Variants in GUK1 observed in about 807,000 individuals in gnomAD.
GUK1 encodes the protein guanylate kinase.
Under a neutral mutation model 25.2 loss-of-function variants are expected in GUK1, and 18 were observed. The observed-to-expected ratio is 0.71, with a 90% CI of 0.49 to 1.06. The LOEUF is 1.06. Among genes scored for constraint, GUK1 ranks in the 50% least tolerant of loss-of-function variants. The pLI is 0.00. For missense variants in GUK1, 261 were observed against 276.7 expected (o/e 0.94, Z 0.40); for synonymous variants, 105 against 117.6 (o/e 0.89, Z 0.69).
At chr1:228,147,740 AG>A (rs759945514) in intron 7 of GUK1, 41 bp downstream of exon 6, 4 of 1,580,982 alleles carry the variant, frequency 2.5e-6, no homozygotes, top group Non-Finnish European at 2.6e-6. Context: ...CCAGGAGGGG[AG>A]TCAGGGTTCT....
intron 2 of GUK1, chr1:228,141,666 G>A (rs766524097): frequency 1.9e-5 from 24 of 1,240,690 alleles, no homozygotes; most frequent in East Asian, 6.2e-5. Context: ...AGATTATGCC[G>A]CCACAGCAGG....
At chr1:228,140,223 A>G (rs2033963468), upstream of GUK1, 2 of 1,183,578 alleles carry the variant, frequency 1.7e-6, no homozygotes, top group East Asian at 2.7e-5. Context: ...TCGCCTCATG[A>G]CGTCAGTCTC....
At chr1:228,141,472 C>T (rs1385875893) in intron 2 of GUK1, 3 of 339,664 alleles carry the variant, frequency 8.8e-6, no homozygotes, top group Non-Finnish European at 1.3e-5. Flanking sequence ...CCTTCATCCA[C>T]CTGGCCCAGC....
At chr1:228,145,712 C>A in intron 3 of GUK1, 88 bp downstream of exon 2, 2 of 1,466,472 alleles carry the variant, frequency 1.4e-6, no homozygotes, top group Admixed American at 2.1e-5. Flanking sequence ...AGCCCAAACC[C>A]AACAGGCACA....
rs368057644 is a variant in GUK1, at chr1:228,141,995, G to C, written c.-3+707G>C. Among the ~76,000 whole-genome samples, 5 of 152,410 alleles carry C rather than the reference G, an allele frequency of 3.3e-5. 1 individual carries two copies. ...GTTCTGGTCAGGGCAAAGGCTCCGT[G>C]GTTTCCACCGCAAGATTGCAGGAGC... is the stretch of plus-strand genomic sequence containing the variant. On this transcript the variant is annotated intron_variant, in intron 2 of 8. Coordinates refer to ENST00000312726, the MANE Select transcript of GUK1 (RefSeq NM_000858.7).
chr1:228,140,622 T>C (rs915890162), intron 1 of GUK1, among the ~76,000 whole-genome samples: 1 of 152,176 alleles, frequency 6.6e-6, no homozygotes, highest in Non-Finnish European at 1.5e-5. Flanking sequence ...GTCGAGCTGC[T>C]CCCCGGGCGT....
intron 2 of GUK1, chr1:228,145,281 C>A (rs529314238): frequency 1.3e-5 from 5 of 371,578 alleles, no homozygotes; most frequent in Non-Finnish European, 1.9e-5. Flanking sequence ...GCCTTCCATT[C>A]GTCTCCCGTG....
At chr1:228,140,655 C>T (rs1355736441) in intron 1 of GUK1, among the ~76,000 whole-genome samples, 1 of 152,232 alleles carries the variant, frequency 6.6e-6, no homozygotes, top group East Asian at 1.9e-4. Flanking sequence ...GGTGTCTTCC[C>T]GACACCTGGG....
chr1:228,141,482 C>T, intron 2 of GUK1: 1 of 375,116 alleles, frequency 2.7e-6, no homozygotes, highest in Non-Finnish European at 3.9e-6. Context: ...CCTGGCCCAG[C>T]CCAGAGCCCA....
At position 228,140,782 on chromosome 1, in the gene GUK1, C is replaced by T. The variant is rs1105447; in HGVS notation, c.-167-342C>T. On this transcript the variant is annotated intron_variant, in intron 1 of 8. Transcript: ENST00000312726. ...CCTGGGCGGATGGAGCCGGCTATTC[C>T]GGGGCTCCCAGGATTCTGCCTACTC... 5.9e-3 allele frequency among the ~76,000 whole-genome samples: 903 copies of T among 152,342 alleles called. 11 individuals carry two copies. Among genetic ancestry groups the T allele is most frequent in the Middle Eastern group, 0.02 (6 of 294 alleles).
chr1:228,141,327 GA>G, intron 2 of GUK1: 1 of 902,716 alleles, frequency 1.1e-6, no homozygotes, highest in African/African-American at 1.8e-5. Context: ...GAAAGAAAGT[GA>G]AAATGAAAGC....
At chr1:228,144,888 A>G in intron 2 of GUK1, 2 of 168,776 alleles carry the variant, frequency 1.2e-5, no homozygotes, top group Non-Finnish European at 2.4e-5. Context: ...CCCCTCTGGC[A>G]TTACCAGCAT....
At chr1:228,147,272 G>A (rs1299870955) in intron 5 of GUK1, 134 bp from the exon 5 acceptor site, 1 of 828,478 alleles carries the variant, frequency 1.2e-6, no homozygotes, top group South Asian at 1.7e-5. Flanking sequence ...ATGCTGTCGG[G>A]TGCTGGGTCC....
In GUK1 at chr1:228,147,538, C is replaced by T. The variant is rs148406810; in HGVS notation, c.384C>T (p.His128=). 3.4e-4 allele frequency: 549 copies of T among 1,613,332 alleles called. 1 individual carries two copies. In the African/African-American group the frequency reaches 6.3e-3, roughly 19 times the overall value. ...TCTCTGTGCAGCCGCCTTCACTGCA[C>T]GTGCTGGTGTGTGCTGGGCAGGGTT... The change falls in exon 6 of 9, where the codon CAC becomes CAT. Residue 128 remains histidine (H), a synonymous_variant. Coordinates refer to ENST00000312726, the MANE Select transcript of GUK1 (RefSeq NM_000858.7).
chr1:228,148,483 G>A (rs1254662987), intron 8 of GUK1, 27 bp downstream of exon 7: 19 of 1,540,794 alleles, frequency 1.2e-5, no homozygotes, highest in Non-Finnish European at 1.6e-5. Context: ...GCCTACCTGG[G>A]CAAGGCCCAA....
Position 228,147,540 on chromosome 1 carries a change from T to A in GUK1, c.386T>A (p.Val129Glu), listed in dbSNP as rs1332503676. 1.2e-6 allele frequency: 2 copies of A among 1,613,252 alleles called. No homozygotes were observed. Among genetic ancestry groups the A allele is most frequent in the Non-Finnish European group, 1.7e-6 (2 of 1,179,902 alleles). Residue 129 changes from valine to glutamate, a missense_variant, in exon 6 of 9, where the codon GTG becomes GAG. By Grantham distance (121) the Val-to-Glu change is moderately radical. Transcript: ENST00000312726. ...TCTGTGCAGCCGCCTTCACTGCACG[T>A]GCTGGTGTGTGCTGGGCAGGGTTGG...
chr1:228,141,093 T>C, intron 1 of GUK1: 1 of 978,954 alleles, frequency 1.0e-6, no homozygotes, highest in Non-Finnish European at 1.2e-6. Flanking sequence ...TGCTCTGCTG[T>C]CTTTGGGCTC....
chr1:228,146,911 AGTTC>A lies in GUK1; in HGVS notation c.225_228del (p.Glu75AspfsTer19). The A allele has an allele frequency of 6.2e-7, 1 of 1,613,588 alleles. No homozygotes were observed. Among genetic ancestry groups the A allele is most frequent in the Non-Finnish European group, 8.5e-7 (1 of 1,179,590 alleles). ...GCCGGCGACTTCATCGAGCATGCCG[AGTTC>A]TCGGGGAACCTGTATGGCACGAGGT... On this transcript the variant is annotated frameshift_variant, in exon 5 of 9. Transcript: ENST00000312726. LOFTEE classifies it high-confidence loss of function.
chr1:228,140,224 C>A, upstream of GUK1: 1 of 1,195,238 alleles, frequency 8.4e-7, no homozygotes. Context: ...CGCCTCATGA[C>A]GTCAGTCTCG....
Sources: gnomAD v4.1 joint callset for allele counts (sites outside exome capture counted in the v4.1 genomes callset) on GRCh38, gnomAD v4.1.1 for gene constraint, MANE v1.5 for transcripts, NCBI Gene and HGNC (gene_info 2026-07-23, HGNC 2026-07-21) for gene names.